The following NALF1 variants were observed in gnomAD, a reference collection of about 807,000 sequenced individuals.
NALF1 encodes family with sequence similarity 155 member A.
In NALF1, 3 loss-of-function variants were observed where a neutral mutation model predicts 48.4. That is an observed-to-expected ratio of 0.06 (90% CI 0.03 to 0.16). The LOEUF (loss-of-function observed/expected upper bound fraction) is 0.16. NALF1 is among the 10% of genes least tolerant of loss of function. NALF1 has a pLI of 1.00. For missense variants in NALF1, 526 were observed against 571.5 expected (o/e 0.92, Z 0.81); for synonymous variants, 262 against 245.7 (o/e 1.07, Z -0.62).
In NALF1 at chr13:107,548,203, A is replaced by G. The variant is rs1286272286; in HGVS notation, c.915+317479T>C. ...AGTTCTCATCATTTAGCTCCCACTTATAAGTGAGAACAAGTGGTATTTGGT... is the reference window on the plus strand; with the variant it reads ...AGTTCTCATCATTTAGCTCCCACTTGTAAGTGAGAACAAGTGGTATTTGGT... On this transcript the variant is annotated intron_variant, in intron 1 of 2. Coordinates refer to ENST00000375915, the MANE Select transcript of NALF1 (RefSeq NM_001080396.3). Among the ~76,000 whole-genome samples, 7 of 152,058 alleles carry G rather than the reference A, an allele frequency of 4.6e-5. 1 individual carries two copies. The highest frequency in any genetic ancestry group is 2.1e-4 in the South Asian group (1 of 4,826).
intron 1 of NALF1, among the ~76,000 whole-genome samples, chr13:107,221,509 G>A (rs1879993344): frequency 1.3e-5 from 2 of 152,142 alleles, no homozygotes; most frequent in African/African-American, 4.8e-5. Flanking sequence ...GAACTCAGGA[G>A]TCAGAAACTG....
At chr13:107,260,682 C>T (rs4772865) in intron 1 of NALF1, among the ~76,000 whole-genome samples, 36,624 of 152,140 alleles carry the variant, frequency 0.24, 5,548 homozygotes, top group East Asian at 0.52. Context: ...ATTGTCCTTA[C>T]ATTTTAAAAA....
chr13:107,754,099 T>A (rs1877016007), intron 1 of NALF1, among the ~76,000 whole-genome samples: 1 of 152,190 alleles, frequency 6.6e-6, no homozygotes, highest in Non-Finnish European at 1.5e-5. Context: ...GACTATATTC[T>A]GCTTAGGTTT....
intron 1 of NALF1, among the ~76,000 whole-genome samples, chr13:107,407,536 T>C (rs1344954359): frequency 6.6e-6 from 1 of 152,040 alleles, no homozygotes; most frequent in African/African-American, 2.4e-5. Context: ...ATCAGAGAAA[T>C]GCCAATCAAA....
chr13:107,356,365 T>C (rs1027741960), intron 1 of NALF1, among the ~76,000 whole-genome samples: 3 of 152,302 alleles, frequency 2.0e-5, no homozygotes, highest in East Asian at 1.9e-4. Context: ...ATATGAAATG[T>C]ATATAACAAA....
In NALF1 at chr13:107,866,852, C is replaced by T. The variant is rs952851175; in HGVS notation, c.-256G>A. 7.7e-6 allele frequency: 4 copies of T among 522,310 alleles called. No homozygotes were observed. The highest frequency in any genetic ancestry group is 5.8e-5 in the African/African-American group (3 of 51,446). The allele number at this position is 522,310 out of a possible 1,614,324, so 32.4% of individuals were successfully genotyped here. A position where few individuals can be genotyped will look rare whatever the true frequency, so the allele number is the denominator to read the frequency against. On this transcript the variant is annotated 5_prime_UTR_variant, in exon 1 of 3. Coordinates refer to ENST00000375915, the MANE Select transcript of NALF1 (RefSeq NM_001080396.3). The surrounding 1 kb of genome is among the most constrained non-coding windows in gnomAD (Gnocchi z 4.4). ...CTTTGAAGGAAGGTCTGACTTGCTT[C>T]CTAATCATCAGCCGACCCCATCCTC...
intron 1 of NALF1, among the ~76,000 whole-genome samples, chr13:107,342,038 C>G (rs1199273637): frequency 6.6e-6 from 1 of 152,108 alleles, no homozygotes; most frequent in Non-Finnish European, 1.5e-5. Context: ...AACAACTAGA[C>G]ATTGCCATAG....
chr13:107,381,491 C>T (rs888781217), intron 1 of NALF1, among the ~76,000 whole-genome samples: 6 of 152,042 alleles, frequency 3.9e-5, no homozygotes, highest in Non-Finnish European at 5.9e-5. Flanking sequence ...CCACCACACC[C>T]GGTAGAAAAC....
intron 1 of NALF1, among the ~76,000 whole-genome samples, chr13:107,598,276 G>A (rs868649446): frequency 6.6e-6 from 1 of 151,962 alleles, no homozygotes; most frequent in African/African-American, 2.4e-5. Flanking sequence ...TTTATCTTTG[G>A]TAACAATCCC....
intron 1 of NALF1, among the ~76,000 whole-genome samples, chr13:107,524,481 G>A (rs373037942): frequency 7.9e-5 from 12 of 152,126 alleles, no homozygotes; most frequent in South Asian, 2.1e-4. Context: ...AGGATGGTAC[G>A]AAACGGATCC....
At chr13:107,201,924 G>A (rs948994448) in intron 2 of NALF1, among the ~76,000 whole-genome samples, 1 of 152,096 alleles carries the variant, frequency 6.6e-6, no homozygotes, top group African/African-American at 2.4e-5. Context: ...GGCGAGGTCG[G>A]CATTTTCAGA....
chr13:107,521,827 C>T (rs1876248500), intron 1 of NALF1, among the ~76,000 whole-genome samples: 1 of 151,636 alleles, frequency 6.6e-6, no homozygotes, highest in South Asian at 2.1e-4. Context: ...TAATTCTGTA[C>T]TCTCCTGAAA....
intron 1 of NALF1, among the ~76,000 whole-genome samples, chr13:107,847,798 C>T (rs533527421): frequency 1.1e-4 from 17 of 152,136 alleles, no homozygotes; most frequent in Non-Finnish European, 2.5e-4. Flanking sequence ...AGCTAAGCTG[C>T]GTCCACATTT....
At position 107,723,564 on chromosome 13, in the gene NALF1, A is replaced by G. The variant is rs1047436878; in HGVS notation, c.915+142118T>C. ...TACTGAACTTGGGGGCTAAAAGGAA[A>G]ACAATAAAAATAAGAAAAAGTCATC... On this transcript the variant is annotated intron_variant, in intron 1 of 2. Coordinates refer to ENST00000375915, the MANE Select transcript of NALF1 (RefSeq NM_001080396.3). Among the ~76,000 whole-genome samples, 6 of 152,202 alleles carry G rather than the reference A, an allele frequency of 3.9e-5. No individual in the cohort carries two copies. The East Asian group carries it at 1.2e-3, about 29-fold the overall frequency.
intron 1 of NALF1, among the ~76,000 whole-genome samples, chr13:107,729,678 C>T (rs1250405006): frequency 2.6e-5 from 4 of 152,096 alleles, no homozygotes; most frequent in African/African-American, 4.8e-5. Flanking sequence ...GGGGTTTCAC[C>T]ATGTTGGTCA....
rs117596983 is a variant in NALF1 at position 107,496,521 on chromosome 13, T to G, written c.916-285766A>C. Among the ~76,000 whole-genome samples, 185 of 152,280 alleles carry G rather than the reference T, an allele frequency of 1.2e-3. 1 individual carries two copies. The highest frequency in any genetic ancestry group is 2.5e-3 in the Non-Finnish European group (167 of 68,030). Reference sequence around the variant, plus strand: ...CATGAGTGTCTGGTAGGAGTAGAGCTGCCAGTCAGGTGAAATTTCTGTTTA... The same window carrying G: ...CATGAGTGTCTGGTAGGAGTAGAGCGGCCAGTCAGGTGAAATTTCTGTTTA... On this transcript the variant is annotated intron_variant, in intron 1 of 2. Coordinates refer to ENST00000375915, the MANE Select transcript of NALF1 (RefSeq NM_001080396.3).
intron 1 of NALF1, among the ~76,000 whole-genome samples, chr13:107,826,326 G>T (rs1594296682): frequency 6.6e-6 from 1 of 150,378 alleles, no homozygotes; most frequent in East Asian, 1.9e-4. Flanking sequence ...TGTGTGTGTA[G>T]TTCCTACCAG....
At chr13:107,832,199 A>G (rs1879753551) in intron 1 of NALF1, among the ~76,000 whole-genome samples, 1 of 151,908 alleles carries the variant, frequency 6.6e-6, no homozygotes, top group African/African-American at 2.4e-5. Context: ...ATTCAATCCT[A>G]TTATTCTACC....
intron 2 of NALF1, among the ~76,000 whole-genome samples, chr13:107,204,730 C>T (rs1420635511): frequency 2.0e-5 from 3 of 152,034 alleles, no homozygotes; most frequent in African/African-American, 7.2e-5. Context: ...AAATTTTATT[C>T]TGGGCATACC....
Sources: allele counts gnomAD v4.1 joint callset (sites outside exome capture counted in the v4.1 genomes callset), GRCh38; gene constraint gnomAD v4.1.1; non-coding constraint Gnocchi (gnomAD v3.1); transcripts MANE v1.5; gene names NCBI Gene and HGNC (gene_info 2026-07-23, HGNC 2026-07-21).